Variants in EHMT2 observed in about 807,000 individuals in gnomAD.
EHMT2 encodes the protein histone-lysine N-methyltransferase EHMT2.
In EHMT2, 59 loss-of-function variants were observed where a neutral mutation model predicts 143.3. The observed-to-expected ratio is 0.41, with a 90% CI of 0.33 to 0.51. The LOEUF is 0.51. Ranked by LOEUF, EHMT2 falls within the 20% of genes least tolerant of loss-of-function variation. The pLI, the probability that EHMT2 is intolerant of heterozygous loss-of-function variation, is 0.18. For synonymous variants in EHMT2, 604 were observed against 651.5 expected, an observed-to-expected ratio of 0.93 and a Z score of 1.11; for missense variants, 1,174 against 1,645.9, an observed-to-expected ratio of 0.71 and a Z score of 4.96.
At position 31,892,742 on chromosome 6, in the gene EHMT2, AAG is replaced by A. The variant is rs766708829; in HGVS notation, c.668-10_668-9del. On this transcript the variant is annotated splice_polypyrimidine_tract_variant and intron_variant, in intron 5 of 27. Coordinates refer to ENST00000375537, the Ensembl canonical transcript of EHMT2. ...TCCTCCTTTTGGCCAGATCTGGAAG[AAG>A]AGAGAGAATGGTGTGGGGCCTATCA... The A allele has an allele frequency of 1.2e-6, 2 of 1,612,966 alleles. No individual in the cohort carries two copies. Among genetic ancestry groups the A allele is most frequent in the Non-Finnish European group, 1.7e-6 (2 of 1,180,028 alleles).
At position 31,888,708 on chromosome 6, in the gene EHMT2, C is replaced by T; in HGVS notation, c.1256G>A (p.Gly419Glu). ...GCTGCACAGGGGCAACTCCTCAAAC[C>T]CTCGCTCTGTCTCCAGCGAAGATGT... is the stretch of plus-strand genomic sequence containing the variant. Residue 419 changes from glycine (G) to glutamate (E), a missense_variant, in exon 11 of 28, where the codon GGG becomes GAG. Around this residue, in one of 6 missense-constraint regions of EHMT2, gnomAD observed 608 missense variants for 903.7 expected, o/e 0.67. Transcript: ENST00000375537. This position sits in a 1 kb window ranked among gnomAD's most constrained non-coding sequence, Gnocchi z 7.4. The T allele has an allele frequency of 6.2e-7, 1 of 1,613,784 alleles. No individual in the cohort carries two copies. Among genetic ancestry groups the T allele is most frequent in the Non-Finnish European group, 8.5e-7 (1 of 1,180,014 alleles).
chr6:31,892,743 A>G lies in EHMT2; in HGVS notation c.668-9T>C. 6.2e-7 allele frequency: 1 copy of G among 1,613,056 alleles called. No individual in the cohort carries two copies. The highest frequency in any genetic ancestry group is 8.5e-7 in the Non-Finnish European group (1 of 1,179,970). On this transcript the variant is annotated splice_polypyrimidine_tract_variant and intron_variant, in intron 5 of 27. Transcript: ENST00000375537. ...CCTCCTTTTGGCCAGATCTGGAAGA[A>G]GAGAGAGAATGGTGTGGGGCCTATC...
intron 15 of EHMT2, 50 bp downstream of exon 15, chr6:31,887,525 GTA>G: frequency 1.3e-6 from 2 of 1,522,246 alleles, no homozygotes; most frequent in East Asian, 4.5e-5. Flanking sequence ...CCAGTGCCTG[GTA>G]TATACATGAA....
At chr6:31,896,612 G>T (rs1466637439) in exon 3 of EHMT2, 2 of 1,585,170 alleles carry the variant, frequency 1.3e-6, no homozygotes, top group Admixed American at 3.5e-5. Flanking sequence ...TCACCCAGCA[G>T]GATCCGGCCC....
chr6:31,897,221 A>T, intron 1 of EHMT2: 2 of 1,216,786 alleles, frequency 1.6e-6, no homozygotes, highest in Non-Finnish European at 1.0e-6. Flanking sequence ...CCGAGAGAAG[A>T]GGAGGGGGAG....
In EHMT2 at chr6:31,884,607, G is replaced by C; in HGVS notation, c.2603+38C>G. The C allele has an allele frequency of 6.2e-7, 1 of 1,606,210 alleles. No individual in the cohort carries two copies. The highest frequency in any genetic ancestry group is 8.5e-7 in the Non-Finnish European group (1 of 1,175,080). On this transcript the variant is annotated intron_variant, in intron 20 of 27. Coordinates refer to ENST00000375537, the Ensembl canonical transcript of EHMT2. This position sits in a 1 kb window ranked among gnomAD's most constrained non-coding sequence, Gnocchi z 7.3. ...AATGCAGGGTCTGAGGCTGCAAGAAGTGGGGGCAGGGGCATCAAGGGCGGG... is the reference window on the plus strand; with the variant it reads ...AATGCAGGGTCTGAGGCTGCAAGAACTGGGGGCAGGGGCATCAAGGGCGGG...
At position 31,887,106 on chromosome 6, in the gene EHMT2, G is replaced by A. The variant is rs746898783; in HGVS notation, c.2012-5C>T. On this transcript the variant is annotated splice_region_variant and splice_polypyrimidine_tract_variant and intron_variant, in intron 15 of 27. Coordinates refer to ENST00000375537, the Ensembl canonical transcript of EHMT2. ...AGTTGGGGTCCAGGTTGTCCACTGC[G>A]GGGAGAGCCCGCCACACCGGGAGAG... The A allele has an allele frequency of 8.2e-6, 13 of 1,593,992 alleles. No homozygotes were observed. Among genetic ancestry groups the A allele is most frequent in the African/African-American group, 6.7e-5 (5 of 74,588 alleles).
intron 18 of EHMT2, chr6:31,886,298 T>C (rs1185563870): frequency 4.3e-6 from 2 of 465,552 alleles, no homozygotes; most frequent in Non-Finnish European, 7.5e-6. Context: ...TGCCAATAAA[T>C]GACTAAAACA....
chr6:31,884,231 G>GT lies in EHMT2; in HGVS notation c.2771+160dup. On this transcript the variant is annotated intron_variant, in intron 21 of 27. Coordinates refer to ENST00000375537, the Ensembl canonical transcript of EHMT2. This position sits in a 1 kb window ranked among gnomAD's most constrained non-coding sequence, Gnocchi z 7.3. ...TGGGTGTCTTCTATTTTTATTTGCT[G>GT]TATCTGGCAACCCTAGTGGGGAGGG... 1.2e-6 allele frequency: 1 copy of GT among 842,854 alleles called. No homozygotes were observed. Among genetic ancestry groups the GT allele is most frequent in the South Asian group, 1.8e-5 (1 of 54,164 alleles). 52.2% of individuals were successfully genotyped at this position (842,854 alleles called of 1,614,324 possible).
At chr6:31,890,214 G>T (rs780051422) in intron 7 of EHMT2, among the ~76,000 whole-genome samples, 1 of 151,694 alleles carries the variant, frequency 6.6e-6, no homozygotes, top group Non-Finnish European at 1.5e-5. Flanking sequence ...AATTCTGTAG[G>T]ACAACTGAGC....
intron 25 of EHMT2, 131 bp downstream of exon 25, chr6:31,882,561 TCAGAGGA>T: frequency 1.2e-6 from 1 of 848,518 alleles, no homozygotes; most frequent in South Asian, 1.6e-5. Flanking sequence ...GGAATAGGGG[TCAGAGGA>T]GGCTGGCTGG....
intron 1 of EHMT2, chr6:31,897,230 A>T: frequency 5.1e-6 from 6 of 1,180,090 alleles, no homozygotes; most frequent in Non-Finnish European, 6.4e-6. Context: ...GAGGAGGGGG[A>T]GGGGGCGGGG....
intron 15 of EHMT2, 35 bp from the exon 16 acceptor site, chr6:31,887,136 G>T: frequency 6.4e-7 from 1 of 1,551,350 alleles, no homozygotes; most frequent in South Asian, 1.2e-5. Context: ...GGAGAGGGAG[G>T]GACAAGTGGT....
At chr6:31,894,713 C>G (rs1052482035) in intron 4 of EHMT2, among the ~76,000 whole-genome samples, 1 of 152,188 alleles carries the variant, frequency 6.6e-6, no homozygotes, top group Non-Finnish European at 1.5e-5. Flanking sequence ...CCAGGCTGAA[C>G]CGCAGTGGCG....
rs772606784 is a variant in EHMT2, at chr6:31,889,062, C to T, written c.1123G>A (p.Gly375Ser). ...TCACTGGGGCCTGAGGAGCCCACAC[C>T]ATTCACTCCTGACACAGAGACAGAG... Residue 375 changes from glycine (G) to serine (S), a missense_variant, in exon 10 of 28, where the codon GGT becomes AGT. By Grantham distance (56) the Gly-to-Ser change is moderately conservative. Coordinates refer to ENST00000375537, the Ensembl canonical transcript of EHMT2. This position sits in a 1 kb window ranked among gnomAD's most constrained non-coding sequence, Gnocchi z 5.1. 1 of 1,604,158 alleles carries T rather than the reference C, an allele frequency of 6.2e-7. No individual in the cohort carries two copies. The highest frequency in any genetic ancestry group is 1.3e-5 in the African/African-American group (1 of 74,976).
chr6:31,886,566 G>C lies in EHMT2; in HGVS notation c.2343+15C>G. 6.2e-7 allele frequency: 1 copy of C among 1,606,212 alleles called. No homozygotes were observed. The highest frequency in any genetic ancestry group is 1.7e-5 in the Admixed American group (1 of 59,820). On this transcript the variant is annotated intron_variant, in intron 18 of 27. Coordinates refer to ENST00000375537, the Ensembl canonical transcript of EHMT2. The stretch of plus-strand genomic sequence containing the variant: ...ACCAGGGACCCAGAGGGGCTGGGCT[G>C]GGTGGGCCGCTGACCTGGGCGTTGA...
chr6:31,884,066 G>T lies in EHMT2; in HGVS notation c.2772-116C>A. ...GGGCTGGGGGCAGGGGAGTAAGGTT[G>T]CCAGGTAAGATGCAGGACAGCGAGT... On this transcript the variant is annotated intron_variant, in intron 21 of 27. Transcript: ENST00000375537. The surrounding 1 kb of genome is among the most constrained non-coding windows in gnomAD (Gnocchi z 7.3). The T allele has an allele frequency of 8.3e-7, 1 of 1,207,778 alleles. No homozygotes were observed. Among genetic ancestry groups the T allele is most frequent in the Non-Finnish European group, 1.1e-6 (1 of 878,482 alleles). 74.8% of individuals were successfully genotyped at this position (1,207,778 alleles called of 1,614,324 possible).
At position 31,884,047 on chromosome 6, in the gene EHMT2, G is replaced by A; in HGVS notation, c.2772-97C>T. 1 of 1,412,696 alleles carries A rather than the reference G, an allele frequency of 7.1e-7. No homozygotes were observed. Among genetic ancestry groups the A allele is most frequent in the Non-Finnish European group, 9.6e-7 (1 of 1,046,666 alleles). 87.5% of individuals were successfully genotyped at this position (1,412,696 alleles called of 1,614,324 possible). ...AGAGTTGGGGAGGTTCCTGGGGCTG[G>A]GGGCAGGGGAGTAAGGTTGCCAGGT... On this transcript the variant is annotated intron_variant, in intron 21 of 27. Transcript: ENST00000375537. This position sits in a 1 kb window ranked among gnomAD's most constrained non-coding sequence, Gnocchi z 7.3.
At chr6:31,886,194 G>A (rs1359308060) in intron 18 of EHMT2, 1 of 204,380 alleles carries the variant, frequency 4.9e-6, no homozygotes, top group Admixed American at 5.3e-5. Context: ...GGCTCTCAAA[G>A]GCCACTGGGC....
Sources: gnomAD v4.1 joint callset for allele counts (sites outside exome capture counted in the v4.1 genomes callset) on GRCh38, gnomAD v4.1.1 for gene constraint, gnomAD v4.1.1 regional missense constraint, Gnocchi (gnomAD v3.1) non-coding constraint, MANE v1.5 for transcripts, NCBI Gene and HGNC (gene_info 2026-07-23, HGNC 2026-07-21) for gene names.